Variants in CNOT6 observed in about 807,000 individuals in gnomAD.
CNOT6 encodes carbon catabolite repression 4 protein.
CNOT6 carries 12 observed loss-of-function variants against 61.2 expected under a neutral mutation model. That is an observed-to-expected ratio of 0.20 (90% CI 0.13 to 0.32). The LOEUF is 0.32. Among genes scored for constraint, CNOT6 ranks in the 10% least tolerant of loss-of-function variants. The pLI is 1.00. For missense variants in CNOT6, 405 were observed against 663.9 expected (o/e 0.61, Z 4.28); for synonymous variants, 225 against 240.6 (o/e 0.94, Z 0.60).
intron 2 of CNOT6, among the ~76,000 whole-genome samples, chr5:180,548,853 A>G (rs572726783): frequency 2.0e-5 from 3 of 152,340 alleles, no homozygotes; most frequent in Admixed American, 2.0e-4. Context: ...TTTTTATTAC[A>G]TTTGTTTCAT....
At chr5:180,519,823 T>C (rs1484905883) in intron 1 of CNOT6, among the ~76,000 whole-genome samples, 1 of 146,332 alleles carries the variant, frequency 6.8e-6, no homozygotes, top group Non-Finnish European at 1.5e-5. Context: ...AAAATTTGGT[T>C]ATCCATTTGC....
At chr5:180,509,348 T>C (rs1447087102) in intron 1 of CNOT6, among the ~76,000 whole-genome samples, 1 of 152,044 alleles carries the variant, frequency 6.6e-6, no homozygotes, top group East Asian at 1.9e-4. Flanking sequence ...TTACTGGTCT[T>C]GAACTCCTGG....
At chr5:180,571,510 A>G in intron 11 of CNOT6, 78 bp downstream of exon 11, 1 of 1,032,492 alleles carries the variant, frequency 9.7e-7, no homozygotes, top group Non-Finnish European at 1.5e-6. Flanking sequence ...TGTCTTTAAA[A>G]CTGTGGCTGT....
rs748736531 is a variant in CNOT6, at chr5:180,549,951, G to A, written c.133G>A (p.Ala45Thr). The change falls in exon 3 of 12, where the codon GCA (alanine) becomes ACA (threonine). Residue 45 changes from alanine (A) to threonine (T), a missense_variant. Around this residue, in one of 5 missense-constraint regions of CNOT6, gnomAD observed 212 missense variants for 307.1 expected, o/e 0.69. Coordinates refer to ENST00000261951, the MANE Select transcript of CNOT6 (RefSeq NM_001370472.1). ...EISGKVRSLSASLWSLTHLTA... is the reference protein window; with the variant it reads ...EISGKVRSLSTSLWSLTHLTA... The stretch of plus-strand genomic sequence containing the variant: ...TACAGGAAAAGTAAGAAGCTTAAGC[G>A]CATCTTTGTGGTCACTAACTCACCT... 13 of 1,610,542 alleles carry A rather than the reference G, an allele frequency of 8.1e-6. No individual in the cohort carries two copies. In the East Asian group the frequency reaches 8.9e-5, roughly 11 times the overall value.
chr5:180,536,017 T>TG (rs1758675532), intron 2 of CNOT6, among the ~76,000 whole-genome samples: 1 of 87,692 alleles, frequency 1.1e-5, no homozygotes, highest in African/African-American at 3.8e-5. Flanking sequence ...TTTTTTTTTT[T>TG]GACAGTCTCA....
intron 1 of CNOT6, among the ~76,000 whole-genome samples, chr5:180,515,256 CA>C (rs34427441): frequency 0.21 from 28,200 of 137,464 alleles, 2,712 homozygotes; most frequent in Non-Finnish European, 0.23. Context: ...CCCATCTCTA[CA>C]AAAAAAAAAA....
rs149410658 is a variant in CNOT6, at chr5:180,563,562, G to C, written c.386-927G>C. On this transcript the variant is annotated intron_variant, in intron 4 of 11. Transcript: ENST00000261951. ...TCTTTGAGTCCAGTCTTTTATGAGA[G>C]AATAGGAAAAAACACTTCCTTTAGG... Among the ~76,000 whole-genome samples, 120 of 152,144 alleles carry C rather than the reference G, an allele frequency of 7.9e-4. No homozygotes were observed. The Middle Eastern group carries it at 0.024, about 30-fold the overall frequency.
intron 1 of CNOT6, among the ~76,000 whole-genome samples, chr5:180,497,196 G>A (rs934740930): frequency 6.6e-5 from 10 of 151,862 alleles, no homozygotes; most frequent in Admixed American, 6.6e-4. Flanking sequence ...GTGTGGTGGC[G>A]CATGCCTGTA....
chr5:180,505,329 C>T (rs1757084753), intron 1 of CNOT6, among the ~76,000 whole-genome samples: 1 of 126,668 alleles, frequency 7.9e-6, no homozygotes, highest in East Asian at 2.3e-4. Flanking sequence ...GATCTCGGCT[C>T]ACTGCAAGCT....
chr5:180,506,088 G>A (rs1013816956), intron 1 of CNOT6, among the ~76,000 whole-genome samples: 3 of 152,180 alleles, frequency 2.0e-5, no homozygotes, highest in African/African-American at 7.2e-5. Context: ...ATGAGGCTGT[G>A]GTAGAATAGA....
intron 2 of CNOT6, among the ~76,000 whole-genome samples, chr5:180,542,645 T>C (rs1759104859): frequency 6.6e-6 from 1 of 152,264 alleles, no homozygotes; most frequent in African/African-American, 2.4e-5. Flanking sequence ...CCTAGTTCTT[T>C]TAGTGTTTGC....
At chr5:180,524,840 T>C (rs1020847327) in intron 1 of CNOT6, among the ~76,000 whole-genome samples, 1 of 152,246 alleles carries the variant, frequency 6.6e-6, no homozygotes, top group East Asian at 1.9e-4. Context: ...TATTAAATTC[T>C]ATCTGGGAAA....
intron 1 of CNOT6, among the ~76,000 whole-genome samples, chr5:180,502,507 A>G (rs937791603): frequency 2.6e-5 from 4 of 152,240 alleles, no homozygotes; most frequent in African/African-American, 4.8e-5. Context: ...GTTGTGCTCC[A>G]TTGCCCAAAC....
chr5:180,562,389 T>A (rs1157391273), intron 4 of CNOT6, among the ~76,000 whole-genome samples: 1 of 152,212 alleles, frequency 6.6e-6, no homozygotes, highest in Non-Finnish European at 1.5e-5. Flanking sequence ...TTATTGACTT[T>A]ATTCATATAT....
At chr5:180,531,853 G>C (rs1381530523) in intron 2 of CNOT6, among the ~76,000 whole-genome samples, 2 of 152,200 alleles carry the variant, frequency 1.3e-5, no homozygotes, top group East Asian at 3.9e-4. Context: ...GCGTGGCGGC[G>C]CGTGCCTGCA....
chr5:180,519,160 CT>C (rs962592922), intron 1 of CNOT6, among the ~76,000 whole-genome samples: 2 of 152,134 alleles, frequency 1.3e-5, no homozygotes, highest in African/African-American at 4.8e-5. Flanking sequence ...TAAGAGGAAA[CT>C]TTTAAAGACA....
chr5:180,537,268 C>T (rs1010980619), intron 2 of CNOT6, among the ~76,000 whole-genome samples: 1 of 152,216 alleles, frequency 6.6e-6, no homozygotes, highest in African/African-American at 2.4e-5. Flanking sequence ...GCCCTCCTAC[C>T]AGCACATCCT....
chr5:180,565,770 A>G (rs1449931297), intron 6 of CNOT6, 50 bp from the exon 7 acceptor site: 2 of 1,474,400 alleles, frequency 1.4e-6, no homozygotes, highest in Admixed American at 2.1e-5. Flanking sequence ...AATTAATTAT[A>G]TATTTTTTTC....
chr5:180,547,851 A>C (rs1759395033), intron 2 of CNOT6, among the ~76,000 whole-genome samples: 1 of 152,044 alleles, frequency 6.6e-6, no homozygotes, highest in Non-Finnish European at 1.5e-5. Flanking sequence ...CTCCTGCCTC[A>C]GCCTCCCTAG....
Sources: allele counts gnomAD v4.1 joint callset (sites outside exome capture counted in the v4.1 genomes callset), GRCh38; gene constraint gnomAD v4.1.1; regional missense constraint gnomAD v4.1.1; transcripts MANE v1.5; gene names NCBI Gene and HGNC (gene_info 2026-07-23, HGNC 2026-07-21).